The following LARP6 variants were observed in gnomAD, a reference collection of about 807,000 sequenced individuals.
LARP6 encodes the protein La ribonucleoprotein 6, translational regulator.
A neutral mutation model predicts 32.8 loss-of-function variants in LARP6; 18 were observed. The observed-to-expected ratio is 0.55, with a 90% CI of 0.38 to 0.81. LARP6 has a LOEUF of 0.81. LARP6 is among the 40% of genes least tolerant of loss of function. The pLI is 0.00. For missense variants in LARP6, 598 were observed against 663.1 expected (o/e 0.90, Z 1.08); for synonymous variants, 289 against 267.2 (o/e 1.08, Z -0.80).
chr15:70,842,795 G>A (rs531111991), intron 1 of LARP6, among the ~76,000 whole-genome samples: 19 of 152,160 alleles, frequency 1.2e-4, no homozygotes, highest in Non-Finnish European at 1.9e-4. Context: ...GGATGATACT[G>A]TGGAGGTGAT....
chr15:70,833,180 T>C, intron 2 of LARP6, 64 bp from the exon 3 acceptor site: 1 of 1,332,848 alleles, frequency 7.5e-7, no homozygotes, highest in Non-Finnish European at 1.1e-6. Context: ...GTGTATGCTA[T>C]AAGCTCCCTC....
chr15:70,833,064 G>C lies in LARP6; in HGVS notation c.464C>G (p.Ser155Ter). The change falls in exon 3 of 3, where the codon TCA becomes TGA. Residue 155 changes from serine to a stop codon, truncating the protein, a stop_gained. Coordinates refer to ENST00000299213, the MANE Select transcript of LARP6 (RefSeq NM_018357.4). LOFTEE classifies it high-confidence loss of function. ...WRTTAHALKY[S>*]VVLELNEDHR... ...GTCCTCATTCAACTCAAGGACCACT[G>C]AATACTTCAAAGCATGTGCTGTGGT... The C allele has an allele frequency of 1.2e-6, 2 of 1,614,146 alleles. No individual in the cohort carries two copies. Among genetic ancestry groups the C allele is most frequent in the Non-Finnish European group, 1.7e-6 (2 of 1,180,034 alleles).
intron 1 of LARP6, chr15:70,853,230 C>A (rs1595959145): frequency 7.0e-6 from 1 of 143,150 alleles, no homozygotes; most frequent in South Asian, 2.5e-4. Context: ...CCCCCGCCCC[C>A]CGCAAGGCAG....
In LARP6 at chr15:70,847,277, G is replaced by A. The variant is rs182193292; in HGVS notation, c.200+6612C>T. ...AAACATTGTAAACTGGGAGTGATGA[G>A]GTCTTTTGTTATAGCTATAAACCTG... On this transcript the variant is annotated intron_variant, in intron 1 of 2. Transcript: ENST00000299213. 1.7e-3 allele frequency among the ~76,000 whole-genome samples: 252 copies of A among 152,090 alleles called. 1 individual carries two copies. Among genetic ancestry groups the A allele is most frequent in the African/African-American group, 6.0e-3 (250 of 41,482 alleles).
Position 70,832,783 on chromosome 15 carries a change from G to A in LARP6, c.745C>T (p.Arg249Cys), listed in dbSNP as rs768066352. Residue 249 changes from arginine (R) to cysteine (C), a missense_variant, in exon 3 of 3, where the codon CGC becomes TGC. By Grantham distance (180) the Arg-to-Cys change is radical. Coordinates refer to ENST00000299213, the MANE Select transcript of LARP6 (RefSeq NM_018357.4). The stretch of plus-strand genomic sequence containing the variant: ...TCCTGGGTCCCCACTTGGCTGTAGC[G>A]GCTGCTGATCCTCCGGATGTCAGGG... ...LPPDIRRISSRYSQVGTQECA... is the reference protein window; with the variant it reads ...LPPDIRRISSCYSQVGTQECA... 6 of 1,608,480 alleles carry A rather than the reference G, an allele frequency of 3.7e-6. No individual in the cohort carries two copies. The highest frequency in any genetic ancestry group is 2.2e-5 in the East Asian group (1 of 44,888).
rs2032048543 is a variant in LARP6 at position 70,831,986 on chromosome 15, G to A, written c.*66C>T. 1.0e-5 allele frequency: 11 copies of A among 1,090,210 alleles called. No homozygotes were observed. The South Asian group carries it at 2.1e-4, about 21-fold the overall frequency. 67.5% of individuals were successfully genotyped at this position (1,090,210 alleles called of 1,614,324 possible). A position where few individuals can be genotyped will look rare whatever the true frequency, so the allele number is the denominator to read the frequency against. On this transcript the variant is annotated 3_prime_UTR_variant, in exon 3 of 3. Coordinates refer to ENST00000299213, the MANE Select transcript of LARP6 (RefSeq NM_018357.4). ...AACGAATTCCATTCTGTCATGCCAG[G>A]TGTTTGTCAGAACCTTGAAAACGAA... is the stretch of plus-strand genomic sequence containing the variant.
chr15:70,852,052 A>G, intron 1 of LARP6: 1 of 370,198 alleles, frequency 2.7e-6, no homozygotes, highest in South Asian at 2.2e-5. Flanking sequence ...CATCTTAATG[A>G]GCAGATTGAG....
At chr15:70,847,369 G>A (rs2032367344) in intron 1 of LARP6, among the ~76,000 whole-genome samples, 1 of 151,274 alleles carries the variant, frequency 6.6e-6, no homozygotes, top group Non-Finnish European at 1.5e-5. Flanking sequence ...AATCAGTGCT[G>A]AATTTTTTTT....
chr15:70,839,225 T>C (rs1370623984), intron 1 of LARP6, among the ~76,000 whole-genome samples: 1 of 152,026 alleles, frequency 6.6e-6, no homozygotes, highest in East Asian at 1.9e-4. Flanking sequence ...GACGACTTGA[T>C]GTCAGAAGAT....
chr15:70,837,384 A>AAAT (rs200914214), intron 1 of LARP6, among the ~76,000 whole-genome samples: 12 of 152,034 alleles, frequency 7.9e-5, no homozygotes, highest in Non-Finnish European at 1.6e-4. Flanking sequence ...CCCTGTCTCA[A>AAAT]AATAATAATA....
intron 1 of LARP6, chr15:70,852,149 A>G (rs1234464465): frequency 8.3e-6 from 3 of 360,484 alleles, no homozygotes; most frequent in Non-Finnish European, 1.1e-5. Context: ...GGGTCCAAAC[A>G]GGGGATAGTG....
chr15:70,852,583 A>G (rs1373961390), intron 1 of LARP6, among the ~76,000 whole-genome samples: 1 of 152,170 alleles, frequency 6.6e-6, no homozygotes, highest in Admixed American at 6.5e-5. Context: ...TGACTAGGGG[A>G]CTGCCTTCTC....
intron 2 of LARP6, among the ~76,000 whole-genome samples, chr15:70,834,421 G>C (rs751911670): frequency 6.6e-6 from 1 of 152,218 alleles, no homozygotes; most frequent in Non-Finnish European, 1.5e-5. Flanking sequence ...ATGACTGCGG[G>C]TGCGTGTGAG....
intron 1 of LARP6, chr15:70,851,961 G>T: frequency 1.9e-6 from 1 of 531,714 alleles, no homozygotes; most frequent in Non-Finnish European, 3.3e-6. Flanking sequence ...CAGGGAACTA[G>T]CTGGAATCAC....
In LARP6 at chr15:70,854,049, T is replaced by C. The variant is rs1388048556; in HGVS notation, c.40A>G (p.Thr14Ala). 1 of 1,425,848 alleles carries C rather than the reference T, an allele frequency of 7.0e-7. No homozygotes were observed. The highest frequency in any genetic ancestry group is 9.2e-7 in the Non-Finnish European group (1 of 1,081,872). The allele number at this position is 1,425,848 out of a possible 1,614,324, so 88.3% of individuals were successfully genotyped here. The change falls in exon 1 of 3, where the codon ACG becomes GCG. Residue 14 changes from threonine to alanine, a missense_variant. Thr to Ala is a moderately conservative substitution (Grantham distance 58). Around this residue, in one of 3 missense-constraint regions of LARP6, gnomAD observed 161 missense variants for 148.6 expected, o/e 1.08. Transcript: ENST00000299213. ...ATGGCGACGCGGATCTGCACCGCCG[T>C]CTTGGGCCCGGGCCGAGCCTCCCCG... ...SGGEARPGPK[T>A]AVQIRVAIQE... is the part of the protein sequence containing the mutation.
At chr15:70,838,349 C>G (rs560601596) in intron 1 of LARP6, among the ~76,000 whole-genome samples, 1 of 152,226 alleles carries the variant, frequency 6.6e-6, no homozygotes, top group Admixed American at 6.5e-5. Context: ...TGAAAATATC[C>G]AGAGGAGTGC....
chr15:70,841,706 CTT>C (rs1216057987), intron 1 of LARP6, among the ~76,000 whole-genome samples: 9 of 152,194 alleles, frequency 5.9e-5, no homozygotes, highest in African/African-American at 2.2e-4. Flanking sequence ...AACTCTCTCT[CTT>C]GCTCCTGTTT....
intron 1 of LARP6, among the ~76,000 whole-genome samples, chr15:70,843,227 G>A (rs1437898297): frequency 6.6e-6 from 1 of 152,024 alleles, no homozygotes; most frequent in Non-Finnish European, 1.5e-5. Flanking sequence ...TCATTTTGCA[G>A]GGTCTCCCAT....
intron 1 of LARP6, chr15:70,851,835 T>C (rs1328348386): frequency 3.9e-6 from 6 of 1,538,334 alleles, no homozygotes; most frequent in East Asian, 2.3e-5. Flanking sequence ...GGGGTGGGGA[T>C]TGGGGGTGGT....
Sources: allele counts gnomAD v4.1 joint callset (sites outside exome capture counted in the v4.1 genomes callset), GRCh38; gene constraint gnomAD v4.1.1; regional missense constraint gnomAD v4.1.1; transcripts MANE v1.5; gene names NCBI Gene and HGNC (gene_info 2026-07-23, HGNC 2026-07-21).